The following TRPC6 variants were observed in gnomAD, a reference collection of about 807,000 sequenced individuals.
The protein encoded by TRPC6 is short transient receptor potential channel 6.
Under a neutral mutation model 90.7 loss-of-function variants are expected in TRPC6, and 55 were observed. The ratio of observed to expected loss-of-function variants is 0.61; its 90% CI spans 0.49 to 0.76. The LOEUF (loss-of-function observed/expected upper bound fraction) is 0.76, where lower values mean the gene tolerates loss of function less well. Ranked by LOEUF, TRPC6 falls within the 30% of genes least tolerant of loss-of-function variation. The pLI, the probability that TRPC6 is intolerant of heterozygous loss-of-function variation, is 0.00. For synonymous variants in TRPC6, 393 were observed against 393.0 expected (o/e 1.00, Z 0.00); for missense variants, 989 against 1,122.7 (o/e 0.88, Z 1.70).
At chr11:101,513,286 G>T (rs1156775498) in intron 1 of TRPC6, among the ~76,000 whole-genome samples, 1 of 152,162 alleles carries the variant, frequency 6.6e-6, no homozygotes, top group Non-Finnish European at 1.5e-5. Flanking sequence ...GTCCACACAG[G>T]TCTGCATTGG....
chr11:101,539,229 C>A (rs1861120134), intron 1 of TRPC6, among the ~76,000 whole-genome samples: 1 of 152,182 alleles, frequency 6.6e-6, no homozygotes, highest in South Asian at 2.1e-4. Context: ...CCTAAAGTCT[C>A]GGTTTTCAGA....
At chr11:101,558,400 C>CATGTATACATAT (rs1591136233) in intron 1 of TRPC6, among the ~76,000 whole-genome samples, 2 of 43,054 alleles carry the variant, frequency 4.6e-5, no homozygotes, top group African/African-American at 2.0e-4. Context: ...TATACATATA[C>CATGTATACATAT]ACACACACAT....
rs141485165 is a variant in TRPC6, at chr11:101,461,548, G to C, written c.2485-6447C>G. ...GATGGCACCAGTGCACTCCAGCCTG[G>C]GTGATAGAGACCCTGTCTCAAAAAC... On this transcript the variant is annotated intron_variant, in intron 10 of 12. Coordinates refer to ENST00000344327, the MANE Select transcript of TRPC6 (RefSeq NM_004621.6). 4.7e-3 allele frequency among the ~76,000 whole-genome samples: 719 copies of C among 152,252 alleles called. 3 individuals are homozygous for C. The highest frequency in any genetic ancestry group is 0.014 in the Middle Eastern group (4 of 294).
intron 4 of TRPC6, 110 bp from the exon 5 acceptor site, chr11:101,483,275 G>T: frequency 8.2e-7 from 1 of 1,219,110 alleles, no homozygotes; most frequent in Non-Finnish European, 1.2e-6. Context: ...GATCTCCTGA[G>T]ATAATTGTTT....
intron 1 of TRPC6, among the ~76,000 whole-genome samples, chr11:101,534,810 T>G (rs1290136376): frequency 6.6e-6 from 1 of 152,188 alleles, no homozygotes; most frequent in Non-Finnish European, 1.5e-5. Context: ...ATTAGGAGAT[T>G]TCTACGTATC....
At chr11:101,522,293 A>T (rs1330422031) in intron 1 of TRPC6, among the ~76,000 whole-genome samples, 2 of 152,116 alleles carry the variant, frequency 1.3e-5, no homozygotes, top group African/African-American at 4.8e-5. Context: ...GTTGTTTAAA[A>T]ATGTATATCA....
intron 10 of TRPC6, among the ~76,000 whole-genome samples, chr11:101,459,710 T>C (rs1471936612): frequency 6.6e-6 from 1 of 152,200 alleles, no homozygotes; most frequent in Non-Finnish European, 1.5e-5. Flanking sequence ...TTCTCTTATC[T>C]GTCCAGTGAC....
intron 1 of TRPC6, among the ~76,000 whole-genome samples, chr11:101,582,374 T>G (rs1462123080): frequency 6.6e-6 from 1 of 152,032 alleles, no homozygotes; most frequent in Middle Eastern, 3.2e-3. Flanking sequence ...GCTGAGAACC[T>G]CGGGAAACCG....
At chr11:101,502,171 TC>T (rs2136735324) in intron 2 of TRPC6, among the ~76,000 whole-genome samples, 1 of 152,278 alleles carries the variant, frequency 6.6e-6, no homozygotes, top group East Asian at 1.9e-4. Flanking sequence ...GTCTTCATCA[TC>T]GTGTGGAGGC....
At chr11:101,464,432 T>C (rs1008922676) in intron 10 of TRPC6, among the ~76,000 whole-genome samples, 1 of 152,312 alleles carries the variant, frequency 6.6e-6, no homozygotes, top group Middle Eastern at 3.4e-3. Flanking sequence ...TCTGAGTCTC[T>C]TTGTAGGCCT....
At chr11:101,572,880 G>A (rs1861995148) in intron 1 of TRPC6, among the ~76,000 whole-genome samples, 1 of 152,048 alleles carries the variant, frequency 6.6e-6, no homozygotes, top group Non-Finnish European at 1.5e-5. Context: ...CTATGGGACG[G>A]ATAGCATTAG....
intron 10 of TRPC6, among the ~76,000 whole-genome samples, chr11:101,467,572 G>C (rs963159863): frequency 1.3e-5 from 2 of 152,186 alleles, no homozygotes; most frequent in Non-Finnish European, 1.5e-5. Flanking sequence ...GCATGCATTA[G>C]AATGGCAGAA....
chr11:101,508,649 G>C, intron 1 of TRPC6, among the ~76,000 whole-genome samples: 1 of 152,184 alleles, frequency 6.6e-6, no homozygotes, highest in South Asian at 2.1e-4. Context: ...CAAAGATTAG[G>C]GGGAGAGACA....
intron 1 of TRPC6, among the ~76,000 whole-genome samples, chr11:101,549,496 C>A (rs1404207061): frequency 1.3e-5 from 2 of 151,240 alleles, no homozygotes; most frequent in Non-Finnish European, 3.0e-5. Context: ...CTGGTAGTTA[C>A]CAACTTTGAT....
chr11:101,491,968 G>C (rs968697532), intron 2 of TRPC6, among the ~76,000 whole-genome samples: 1 of 148,990 alleles, frequency 6.7e-6, no homozygotes, highest in African/African-American at 2.5e-5. Flanking sequence ...AGCCTCCCGA[G>C]TAGCTGGGAC....
chr11:101,466,832 G>T (rs1433724752), intron 10 of TRPC6, among the ~76,000 whole-genome samples: 1 of 152,194 alleles, frequency 6.6e-6, no homozygotes, highest in African/African-American at 2.4e-5. Context: ...TTTTGTGCTT[G>T]AAACCCAGGG....
At chr11:101,503,534 A>G (rs7105161) in intron 2 of TRPC6, among the ~76,000 whole-genome samples, 69,766 of 151,960 alleles carry the variant, frequency 0.46, 16,385 homozygotes, top group African/African-American at 0.55. Context: ...TCATGTGTGC[A>G]TTTGTCTCTC....
In TRPC6 at chr11:101,476,327, C is replaced by G; in HGVS notation, c.1718G>C (p.Gly573Ala). The G allele has an allele frequency of 6.2e-7, 1 of 1,613,956 alleles. No homozygotes were observed. Among genetic ancestry groups the G allele is most frequent in the East Asian group, 2.2e-5 (1 of 44,868 alleles). Reference protein sequence around the residue: ...TLKDLTKVTLGDNVKYYNLAR... With the variant: ...TLKDLTKVTLADNVKYYNLAR... ...CAAATTGTAGTATTTCACATTGTCT[C>G]CCAATGTTACTTTCGTCAAGTCCTT... The change falls in exon 6 of 13, where the codon GGA (glycine) becomes GCA (alanine). Residue 573 changes from glycine to alanine, a missense_variant. Gly to Ala is a moderately conservative substitution (Grantham distance 60, BLOSUM62 0). Around this residue, in one of 4 missense-constraint regions of TRPC6, gnomAD observed 486 missense variants for 591.9 expected, o/e 0.82. Coordinates refer to ENST00000344327, the MANE Select transcript of TRPC6 (RefSeq NM_004621.6).
At chr11:101,570,387 T>A (rs1429738471) in intron 1 of TRPC6, among the ~76,000 whole-genome samples, 1 of 152,172 alleles carries the variant, frequency 6.6e-6, no homozygotes, top group Admixed American at 6.5e-5. Flanking sequence ...ATTATTAGCC[T>A]ACCAACCAAA....
Sources: gnomAD v4.1 joint callset for allele counts (sites outside exome capture counted in the v4.1 genomes callset) on GRCh38, gnomAD v4.1.1 for gene constraint, gnomAD v4.1.1 regional missense constraint, MANE v1.5 for transcripts, NCBI Gene and HGNC (gene_info 2026-07-23, HGNC 2026-07-21) for gene names.